MYO9A: variants seen among roughly 807,000 people sequenced by gnomAD.
MYO9A encodes the protein myosin IXA, also known as unconventional myosin-IXa.
MYO9A carries 103 observed loss-of-function variants against 293.3 expected under a neutral mutation model. That is an observed-to-expected ratio of 0.35 (90% CI 0.30 to 0.41). The LOEUF (loss-of-function observed/expected upper bound fraction) is 0.41. Among genes scored for constraint, MYO9A ranks in the 10% least tolerant of loss-of-function variants. MYO9A has a pLI of 1.00. For missense variants in MYO9A, 2,685 were observed against 3,033.0 expected, an observed-to-expected ratio of 0.89 and a Z score of 2.69; for synonymous variants, 1,001 against 1,035.7, an observed-to-expected ratio of 0.97 and a Z score of 0.64.
chr15:72,077,295 T>C (rs957754382), intron 1 of MYO9A, among the ~76,000 whole-genome samples: 2 of 151,974 alleles, frequency 1.3e-5, no homozygotes, highest in Non-Finnish European at 2.9e-5. Flanking sequence ...AATAAAAACT[T>C]CTGCTCTGCA....
intron 1 of MYO9A, among the ~76,000 whole-genome samples, chr15:72,056,904 G>T (rs553708614): frequency 2.0e-4 from 31 of 152,310 alleles, no homozygotes; most frequent in Non-Finnish European, 4.3e-4. Context: ...GAGGTCAGAA[G>T]TTCAAGACCA....
chr15:71,928,457 AT>A (rs1157803949), intron 18 of MYO9A, among the ~76,000 whole-genome samples: 3 of 151,268 alleles, frequency 2.0e-5, no homozygotes, highest in African/African-American at 2.4e-5. Context: ...GAATTTCAGG[AT>A]TTTTTTTATT....
chr15:71,933,381 A>C (rs1369467445), intron 18 of MYO9A, among the ~76,000 whole-genome samples: 1 of 152,082 alleles, frequency 6.6e-6, no homozygotes, highest in Non-Finnish European at 1.5e-5. Context: ...GCTCAAGGAG[A>C]AATGAAAAGA....
At chr15:72,068,685 C>T (rs2079091948) in intron 1 of MYO9A, among the ~76,000 whole-genome samples, 1 of 151,590 alleles carries the variant, frequency 6.6e-6, no homozygotes, top group African/African-American at 2.4e-5. Context: ...CCTATGTTGC[C>T]CAGGCTAGTC....
intron 25 of MYO9A, among the ~76,000 whole-genome samples, chr15:71,894,239 A>T (rs1248662619): frequency 6.6e-6 from 1 of 152,106 alleles, no homozygotes; most frequent in African/African-American, 2.4e-5. Context: ...ACTCCTTCTG[A>T]AATCTCTCTT....
At chr15:72,060,198 T>C (rs35202258) in intron 1 of MYO9A, among the ~76,000 whole-genome samples, 2,622 of 152,260 alleles carry the variant, frequency 0.017, 39 homozygotes, top group Non-Finnish European at 0.026. Context: ...TCAACCACAG[T>C]CTTCTTTTTC....
intron 8 of MYO9A, among the ~76,000 whole-genome samples, chr15:72,002,234 C>T (rs1032719928): frequency 2.0e-5 from 3 of 151,492 alleles, no homozygotes; most frequent in Admixed American, 6.6e-5. Flanking sequence ...CACATGCCAC[C>T]ATGACCAGCT....
chr15:71,958,231 T>C (rs1202411883), intron 14 of MYO9A, among the ~76,000 whole-genome samples: 1 of 152,172 alleles, frequency 6.6e-6, no homozygotes, highest in African/African-American at 2.4e-5. Context: ...TTCATCTTAA[T>C]ATGACTGCAT....
chr15:72,106,720 G>A (rs2080582598), intron 1 of MYO9A, among the ~76,000 whole-genome samples: 1 of 151,846 alleles, frequency 6.6e-6, no homozygotes, highest in Non-Finnish European at 1.5e-5. Context: ...CCCACCTTAG[G>A]CTCCCAAAGT....
intron 32 of MYO9A, among the ~76,000 whole-genome samples, chr15:71,867,575 G>A (rs553845155): frequency 7.1e-4 from 102 of 143,232 alleles, no homozygotes; most frequent in Non-Finnish European, 1.3e-3. Context: ...AATGAGTAAC[G>A]AACAAAAACA....
At chr15:71,892,871 A>C (rs192908782) in intron 26 of MYO9A, 3 of 762,672 alleles carry the variant, frequency 3.9e-6, no homozygotes, top group Non-Finnish European at 5.4e-6. Flanking sequence ...ACAAACCATT[A>C]CATGGGAAGA....
chr15:71,971,697 T>C (rs1205930637), intron 12 of MYO9A, among the ~76,000 whole-genome samples: 3 of 151,794 alleles, frequency 2.0e-5, no homozygotes, highest in Non-Finnish European at 2.9e-5. Flanking sequence ...ACCATTGTCA[T>C]TTGCCTTCTG....
chr15:72,008,466 TGTGTGTGTGAATGGGGTAAATGG>T (rs2077079869), intron 7 of MYO9A, among the ~76,000 whole-genome samples: 1 of 150,356 alleles, frequency 6.7e-6, no homozygotes, highest in African/African-American at 2.4e-5. Flanking sequence ...TGTGTGTGTG[TGTGTGTGTGAATGGGGTAAATGG>T]GTGTGTGTGT....
At chr15:72,106,609 T>C (rs576434348) in intron 1 of MYO9A, among the ~76,000 whole-genome samples, 68 of 149,820 alleles carry the variant, frequency 4.5e-4, no homozygotes, top group African/African-American at 1.5e-3. Flanking sequence ...TTTTTTTTTA[T>C]TTTTTTTTTG....
chr15:72,044,236 T>G (rs1034015682), intron 2 of MYO9A, among the ~76,000 whole-genome samples: 29 of 151,898 alleles, frequency 1.9e-4, no homozygotes, highest in Non-Finnish European at 3.5e-4. Context: ...GAGAAACCCC[T>G]ACTCTACTAA....
At chr15:72,051,633 A>G (rs1046958117) in intron 1 of MYO9A, among the ~76,000 whole-genome samples, 7 of 152,040 alleles carry the variant, frequency 4.6e-5, no homozygotes, top group Non-Finnish European at 1.0e-4. Flanking sequence ...AATCTCAGAG[A>G]AAGGTTGGGT....
intron 14 of MYO9A, 146 bp downstream of exon 14, chr15:71,959,755 G>C: frequency 7.5e-6 from 5 of 668,190 alleles, no homozygotes; most frequent in Admixed American, 2.9e-5. Flanking sequence ...AATCAGTTAA[G>C]AGATGACACT....
intron 15 of MYO9A, among the ~76,000 whole-genome samples, chr15:71,946,598 A>G (rs2957727): frequency 0.99 from 150,409 of 152,326 alleles, 74,298 homozygotes; most frequent in Middle Eastern, 1. Flanking sequence ...TAACTGCACT[A>G]TCCAATACAG....
At chr15:71,897,229 G>A in intron 25 of MYO9A, 1 of 499,826 alleles carries the variant, frequency 2.0e-6, no homozygotes. Flanking sequence ...CTCACTTAAT[G>A]GGGAGGAACC....
Sources: allele counts gnomAD v4.1 joint callset (sites outside exome capture counted in the v4.1 genomes callset), GRCh38; gene constraint gnomAD v4.1.1; transcripts MANE v1.5; gene names NCBI Gene and HGNC (gene_info 2026-07-23, HGNC 2026-07-21).